C4orf51: variants seen among roughly 807,000 people sequenced by gnomAD.
C4orf51 encodes the protein uncharacterized protein C4orf51.
A neutral mutation model predicts 25.2 loss-of-function variants in C4orf51; 25 were observed. The ratio of observed to expected loss-of-function variants is 0.99; its 90% confidence interval spans 0.72 to 1.39. C4orf51 has a LOEUF of 1.39. Among genes scored for constraint, C4orf51 ranks in the 40% most tolerant of loss-of-function variants. The probability of loss-of-function intolerance (pLI) is 0.00; values close to 1 mark genes in which losing one functional copy is unlikely to be tolerated. For synonymous variants in C4orf51, 100 were observed against 84.5 expected (o/e 1.18, Z -1.01); for missense variants, 252 against 239.6 (o/e 1.05, Z -0.34).
chr4:145,785,459 A>G, the C4orf51 span, among the ~76,000 whole-genome samples: 1 of 152,172 alleles, frequency 6.6e-6, no homozygotes, highest in African/African-American at 2.4e-5. Context: ...GCACTCAGTT[A>G]TCTTCAGATC....
chr4:145,760,607 G>C (rs1734342462), intron 1 of C4orf51: 1 of 270,462 alleles, frequency 3.7e-6, no homozygotes, highest in South Asian at 8.9e-5. Flanking sequence ...TATACACACA[G>C]AGCCAATTTT....
chr4:145,734,608 C>T (rs141353690), downstream of C4orf51, among the ~76,000 whole-genome samples: 515 of 152,286 alleles, frequency 3.4e-3, 8 homozygotes, highest in African/African-American at 0.012. Flanking sequence ...TTCCCCACTC[C>T]CGCCCTGACC....
the C4orf51 span, among the ~76,000 whole-genome samples, chr4:145,788,840 C>G: frequency 6.6e-6 from 1 of 152,198 alleles, no homozygotes; most frequent in East Asian, 1.9e-4. Context: ...GAAAAGTAAT[C>G]AGGCCTGAAA....
intron 2 of C4orf51, among the ~76,000 whole-genome samples, chr4:145,710,111 G>T (rs1731049873): frequency 6.6e-6 from 1 of 152,232 alleles, no homozygotes; most frequent in Non-Finnish European, 1.5e-5. Flanking sequence ...GTTAACAGCA[G>T]AATGTATTTG....
intron 1 of C4orf51, among the ~76,000 whole-genome samples, chr4:145,748,135 A>C (rs1045403906): frequency 1.3e-5 from 2 of 151,990 alleles, no homozygotes; most frequent in Non-Finnish European, 2.9e-5. Context: ...ATGCATCTAG[A>C]ACTTTATCCA....
At chr4:145,784,613 TA>T in the C4orf51 span, among the ~76,000 whole-genome samples, 6 of 152,202 alleles carry the variant, frequency 3.9e-5, no homozygotes, top group African/African-American at 9.7e-5. Context: ...GAATTTCCTT[TA>T]AAAAAACTTT....
intron 2 of C4orf51, among the ~76,000 whole-genome samples, chr4:145,700,888 C>A (rs111989346): frequency 6.6e-6 from 1 of 152,270 alleles, no homozygotes; most frequent in East Asian, 1.9e-4. Context: ...GTCCAGCTTA[C>A]GGTTTAATTC....
chr4:145,696,504 T>A, intron 1 of C4orf51, 55 bp from the exon 2 acceptor site: 1 of 1,385,852 alleles, frequency 7.2e-7, no homozygotes, highest in East Asian at 2.3e-5. Flanking sequence ...ACAGGCTTCA[T>A]GTGATTTATA....
At chr4:145,736,223 G>T (rs1415740174), downstream of C4orf51, among the ~76,000 whole-genome samples, 2 of 151,778 alleles carry the variant, frequency 1.3e-5, no homozygotes, top group African/African-American at 4.8e-5. Context: ...TATTCAGGAG[G>T]TTTTGCTGGT....
intron 2 of C4orf51, 141 bp from the exon 3 acceptor site, chr4:145,726,770 T>C (rs1035031585): frequency 1.5e-5 from 10 of 664,900 alleles, no homozygotes; most frequent in Admixed American, 4.9e-5. Context: ...ACTCCTCTTA[T>C]GTAACTATAA....
At chr4:145,738,459 CATATAT>C (rs58754234) in intron 1 of C4orf51, among the ~76,000 whole-genome samples, 2 of 146,648 alleles carry the variant, frequency 1.4e-5, no homozygotes, top group African/African-American at 2.5e-5. Context: ...CGAAAAAAAA[CATATAT>C]ATATATATAT....
At chr4:145,750,674 G>T (rs1733624526) in intron 1 of C4orf51, among the ~76,000 whole-genome samples, 1 of 151,926 alleles carries the variant, frequency 6.6e-6, no homozygotes, top group South Asian at 2.1e-4. Context: ...TTGAATGTTG[G>T]TATCTTTCTC....
chr4:145,727,208 A>C (rs558038796), intron 3 of C4orf51, among the ~76,000 whole-genome samples: 1 of 152,348 alleles, frequency 6.6e-6, no homozygotes, highest in Non-Finnish European at 1.5e-5. Context: ...ATCATCACCA[A>C]CTTTTCCTCT....
At chr4:145,721,935 T>C (rs979385401) in intron 2 of C4orf51, among the ~76,000 whole-genome samples, 3 of 152,210 alleles carry the variant, frequency 2.0e-5, no homozygotes, top group Admixed American at 6.5e-5. Flanking sequence ...TGTCCTTGGT[T>C]ATAGCTATAG....
At chr4:145,732,812 T>C (rs867930721), downstream of C4orf51, 5 of 314,150 alleles carry the variant, frequency 1.6e-5, no homozygotes, top group Non-Finnish European at 2.3e-5. Context: ...TGGGACCACA[T>C]TTCTCTGCTA....
chr4:145,721,968 C>T (rs925563054), intron 2 of C4orf51, among the ~76,000 whole-genome samples: 1 of 152,134 alleles, frequency 6.6e-6, no homozygotes, highest in Admixed American at 6.5e-5. Context: ...TTGGGATGCT[C>T]CTTGGTGATT....
chr4:145,765,733 C>A lies in C4orf51; in HGVS notation n.167-5255C>A, dbSNP rs753038278. 1 of 1,612,932 alleles carries A rather than the reference C, an allele frequency of 6.2e-7. No individual in the cohort carries two copies. Among genetic ancestry groups the A allele is most frequent in the Admixed American group, 1.7e-5 (1 of 59,836 alleles). On this transcript the variant is annotated intron_variant and non_coding_transcript_variant, in intron 1 of 1. Transcript: ENST00000510096. This position sits in a 1 kb window ranked among gnomAD's most constrained non-coding sequence, Gnocchi z 4.7. ...TTTGATTCGCTGGGGGTCTTCCTGT[C>A]TTCCCCTGAAAAATAAGCAAATAAC...
intron 1 of C4orf51, among the ~76,000 whole-genome samples, chr4:145,766,583 T>C (rs1024435103): frequency 2.6e-5 from 4 of 152,186 alleles, no homozygotes; most frequent in Admixed American, 6.5e-5. Flanking sequence ...GACCAGATTT[T>C]GCAGGACGGA....
At chr4:145,768,888 A>AAAT (rs1735762521) in intron 1 of C4orf51, among the ~76,000 whole-genome samples, 1 of 12,552 alleles carries the variant, frequency 8.0e-5, no homozygotes, top group Admixed American at 7.9e-4. Context: ...AAAAAAAAAA[A>AAAT]AAATATATAT....
Sources: allele counts gnomAD v4.1 joint callset (sites outside exome capture counted in the v4.1 genomes callset), GRCh38; gene constraint gnomAD v4.1.1; non-coding constraint Gnocchi (gnomAD v3.1); transcripts MANE v1.5; gene names NCBI Gene and HGNC (gene_info 2026-07-23, HGNC 2026-07-21).